The following SLC5A8 variants were observed in gnomAD, a reference collection of about 807,000 sequenced individuals.
The protein encoded by SLC5A8 is sodium-coupled monocarboxylate transporter 1.
A neutral mutation model predicts 71.9 loss-of-function variants in SLC5A8; 55 were observed. That is an observed-to-expected ratio of 0.77 (90% CI 0.62 to 0.96). The LOEUF (loss-of-function observed/expected upper bound fraction) is 0.96. Among genes scored for constraint, SLC5A8 ranks in the 40% least tolerant of loss-of-function variants. SLC5A8 has a pLI of 0.00. For missense variants in SLC5A8, 701 were observed against 745.3 expected, an observed-to-expected ratio of 0.94 and a Z score of 0.69; for synonymous variants, 307 against 276.1, an observed-to-expected ratio of 1.11 and a Z score of -1.11.
chr12:101,170,086 G>C (rs952332874), intron 10 of SLC5A8, among the ~76,000 whole-genome samples: 1 of 152,202 alleles, frequency 6.6e-6, no homozygotes, highest in African/African-American at 2.4e-5. Flanking sequence ...TGCAGGCAGA[G>C]GGAGAAGTCT....
At chr12:101,175,950 A>G (rs978377942) in intron 10 of SLC5A8, among the ~76,000 whole-genome samples, 1 of 152,066 alleles carries the variant, frequency 6.6e-6, no homozygotes, top group Admixed American at 6.5e-5. Flanking sequence ...AAAAACAGAA[A>G]TACCAAACAG....
intron 3 of SLC5A8, among the ~76,000 whole-genome samples, chr12:101,197,065 C>G (rs1869210699): frequency 6.6e-6 from 1 of 152,166 alleles, no homozygotes; most frequent in Non-Finnish European, 1.5e-5. Context: ...GAAATAACAG[C>G]AAACCTTTAA....
At chr12:101,194,470 A>G (rs918560408) in intron 4 of SLC5A8, among the ~76,000 whole-genome samples, 6 of 152,020 alleles carry the variant, frequency 3.9e-5, no homozygotes, top group Admixed American at 3.9e-4. Context: ...GTTATCACAG[A>G]TTTGTTTTTG....
chr12:101,197,359 T>C (rs1397311067), intron 3 of SLC5A8, among the ~76,000 whole-genome samples: 1 of 152,216 alleles, frequency 6.6e-6, no homozygotes, highest in Admixed American at 6.5e-5. Flanking sequence ...TAGCTGCTGA[T>C]AATTTTTCAA....
At chr12:101,161,005 G>A (rs1451912645) in intron 13 of SLC5A8, among the ~76,000 whole-genome samples, 2 of 152,176 alleles carry the variant, frequency 1.3e-5, no homozygotes, top group African/African-American at 4.8e-5. Flanking sequence ...GAAGGCCTAG[G>A]CCAAGGCAGT....
chr12:101,206,036 G>A (rs1869664910), intron 1 of SLC5A8, among the ~76,000 whole-genome samples: 1 of 152,090 alleles, frequency 6.6e-6, no homozygotes, highest in Admixed American at 6.5e-5. Flanking sequence ...CCAAATGTCA[G>A]GTTCTTTCTC....
intron 10 of SLC5A8, among the ~76,000 whole-genome samples, chr12:101,177,487 GCA>G (rs1204408241): frequency 1.4e-5 from 2 of 142,276 alleles, no homozygotes; most frequent in Non-Finnish European, 3.1e-5. Flanking sequence ...ACGCATGCAT[GCA>G]CACACACACA....
chr12:101,193,866 G>T, intron 4 of SLC5A8, 87 bp from the exon 5 acceptor site: 4 of 1,343,408 alleles, frequency 3.0e-6, no homozygotes, highest in Non-Finnish European at 4.0e-6. Context: ...GGAGAAAAAT[G>T]ATATAAACAT....
intron 2 of SLC5A8, among the ~76,000 whole-genome samples, chr12:101,203,897 G>A (rs867656104): frequency 6.6e-6 from 1 of 152,104 alleles, no homozygotes; most frequent in African/African-American, 2.4e-5. Flanking sequence ...ATCTATAAGC[G>A]CATGTTCTTG....
At position 101,209,463 on chromosome 12, in the gene SLC5A8, C is replaced by G; in HGVS notation, c.351+35G>C. 3.3e-6 allele frequency: 5 copies of G among 1,497,832 alleles called. No individual in the cohort carries two copies. In the South Asian group the frequency reaches 6.6e-5, roughly 20 times the overall value. 92.8% of individuals were successfully genotyped at this position (1,497,832 alleles called of 1,614,324 possible). A position where few individuals can be genotyped will look rare whatever the true frequency, so the allele number is the denominator to read the frequency against. On this transcript the variant is annotated intron_variant, in intron 1 of 14. Coordinates refer to ENST00000536262, the MANE Select transcript of SLC5A8 (RefSeq NM_145913.5). ...AGGTCTGCAGAGTCCCCTTCCCCCGCGCCCTGCATGGTCCCAGCCCACCCT... is the reference window on the plus strand; with the variant it reads ...AGGTCTGCAGAGTCCCCTTCCCCCGGGCCCTGCATGGTCCCAGCCCACCCT...
intron 11 of SLC5A8, 82 bp from the exon 12 acceptor site, chr12:101,166,781 C>T: frequency 1.6e-6 from 2 of 1,278,350 alleles, no homozygotes; most frequent in Non-Finnish European, 2.1e-6. Context: ...CCAAGTTCAA[C>T]ATGGCACGAA....
intron 3 of SLC5A8, 81 bp from the exon 4 acceptor site, chr12:101,195,243 G>T: frequency 6.8e-7 from 1 of 1,470,904 alleles, no homozygotes; most frequent in Non-Finnish European, 9.3e-7. Flanking sequence ...AGAGAAGGAA[G>T]CTATATCATT....
chr12:101,209,297 G>C (rs1243106966), intron 1 of SLC5A8, among the ~76,000 whole-genome samples: 2 of 152,096 alleles, frequency 1.3e-5, no homozygotes, highest in Non-Finnish European at 2.9e-5. Flanking sequence ...TTCACCCTTA[G>C]AGGACGCCTC....
At chr12:101,164,247 TGTAA>T (rs1418192934) in intron 12 of SLC5A8, among the ~76,000 whole-genome samples, 1 of 152,160 alleles carries the variant, frequency 6.6e-6, no homozygotes, top group African/African-American at 2.4e-5. Context: ...TGAACTTCTA[TGTAA>T]GTAAGAAAAA....
At chr12:101,204,892 A>T (rs1036751101) in intron 1 of SLC5A8, among the ~76,000 whole-genome samples, 4 of 152,132 alleles carry the variant, frequency 2.6e-5, no homozygotes, top group Non-Finnish European at 5.9e-5. Flanking sequence ...GCAATCACTG[A>T]TCTGCTTTCC....
At chr12:101,207,003 T>G (rs1347443662) in intron 1 of SLC5A8, among the ~76,000 whole-genome samples, 5 of 152,240 alleles carry the variant, frequency 3.3e-5, no homozygotes, top group African/African-American at 9.6e-5. Flanking sequence ...AGGGTATCAA[T>G]CACTCAACAC....
intron 1 of SLC5A8, among the ~76,000 whole-genome samples, chr12:101,209,269 G>A (rs943643982): frequency 2.0e-5 from 3 of 152,150 alleles, no homozygotes; most frequent in Non-Finnish European, 4.4e-5. Flanking sequence ...GCCCAGGAGA[G>A]TAAATCCCAA....
chr12:101,162,373 C>A (rs2051732024), intron 12 of SLC5A8, among the ~76,000 whole-genome samples: 1 of 152,036 alleles, frequency 6.6e-6, no homozygotes, highest in African/African-American at 2.4e-5. Context: ...ACCATTTGAC[C>A]CAGCAATCCC....
At chr12:101,159,813 C>A (rs1483442859) in intron 13 of SLC5A8, among the ~76,000 whole-genome samples, 2 of 152,146 alleles carry the variant, frequency 1.3e-5, no homozygotes, top group Admixed American at 1.3e-4. Context: ...GACCAAAGGG[C>A]AAATAGTACA....
Sources: gnomAD v4.1 joint callset for allele counts (sites outside exome capture counted in the v4.1 genomes callset) on GRCh38, gnomAD v4.1.1 for gene constraint, MANE v1.5 for transcripts, NCBI Gene and HGNC (gene_info 2026-07-23, HGNC 2026-07-21) for gene names.